GALNTL6: variants seen among roughly 807,000 people sequenced by gnomAD.
GALNTL6 encodes polypeptide N-acetylgalactosaminyltransferase like 6, also known as polypeptide N-acetylgalactosaminyltransferase-like 6.
GALNTL6 carries 46 observed loss-of-function variants against 73.7 expected under a neutral mutation model. That is an observed-to-expected ratio of 0.62 (90% CI 0.49 to 0.80). The LOEUF (loss-of-function observed/expected upper bound fraction) is 0.80. Among genes scored for constraint, GALNTL6 ranks in the 30% least tolerant of loss-of-function variants. The pLI is 0.00. For synonymous variants in GALNTL6, 259 were observed against 263.7 expected (o/e 0.98, Z 0.17); for missense variants, 604 against 755.0 (o/e 0.80, Z 2.34).
At chr4:172,097,166 C>G (rs1027631352) in intron 2 of GALNTL6, among the ~76,000 whole-genome samples, 10 of 152,072 alleles carry the variant, frequency 6.6e-5, no homozygotes, top group African/African-American at 2.4e-4. Flanking sequence ...GTCGTATTAC[C>G]CACTTCTATT....
intron 10 of GALNTL6, among the ~76,000 whole-genome samples, chr4:172,957,526 T>A (rs1002127386): frequency 6.6e-6 from 1 of 152,214 alleles, no homozygotes; most frequent in Non-Finnish European, 1.5e-5. Flanking sequence ...TTTTTAGCTA[T>A]CTTATCAGCA....
intron 2 of GALNTL6, among the ~76,000 whole-genome samples, chr4:171,918,386 C>T (rs1157445679): frequency 6.6e-6 from 1 of 151,974 alleles, no homozygotes; most frequent in Non-Finnish European, 1.5e-5. Flanking sequence ...GTGTCATGTT[C>T]TGACTGAGAG....
At chr4:171,884,994 T>A (rs1389852284) in intron 2 of GALNTL6, among the ~76,000 whole-genome samples, 1 of 150,938 alleles carries the variant, frequency 6.6e-6, no homozygotes, top group African/African-American at 2.4e-5. Flanking sequence ...GAGGCGGAGG[T>A]TGCAGTGAGC....
intron 2 of GALNTL6, among the ~76,000 whole-genome samples, chr4:172,053,679 A>T (rs1330231486): frequency 6.6e-6 from 1 of 151,994 alleles, no homozygotes; most frequent in Non-Finnish European, 1.5e-5. Flanking sequence ...TGCTGACAAA[A>T]TTTTCCATAC....
At position 172,050,116 on chromosome 4, in the gene GALNTL6, G is replaced by A. The variant is rs575656549; in HGVS notation, c.139-179540G>A. Among the ~76,000 whole-genome samples the A allele has an allele frequency of 1.1e-4, 17 of 152,206 alleles. No individual in the cohort carries two copies. The South Asian group carries it at 3.3e-3, about 30-fold the overall frequency. Reference sequence around the variant, plus strand: ...GCTGGCAGGCTGGACTTTAGTAGTGGTAACTTTGGTTTTATTCCCTCAGAA... The same window carrying A: ...GCTGGCAGGCTGGACTTTAGTAGTGATAACTTTGGTTTTATTCCCTCAGAA... On this transcript the variant is annotated intron_variant, in intron 2 of 12. Transcript: ENST00000506823.
intron 2 of GALNTL6, among the ~76,000 whole-genome samples, chr4:171,935,008 C>T (rs145936358): frequency 6.6e-6 from 1 of 152,220 alleles, no homozygotes; most frequent in Non-Finnish European, 1.5e-5. Context: ...ATTGTCTAGT[C>T]TCCCATTCCC....
chr4:172,652,310 C>T (rs1347356428), intron 5 of GALNTL6, among the ~76,000 whole-genome samples: 1 of 152,078 alleles, frequency 6.6e-6, no homozygotes, highest in African/African-American at 2.4e-5. Context: ...AATAGAGAAA[C>T]CTAAGCTGAA....
intron 3 of GALNTL6, among the ~76,000 whole-genome samples, chr4:172,296,145 C>T (rs1739663545): frequency 6.6e-6 from 1 of 151,818 alleles, no homozygotes; most frequent in Admixed American, 6.6e-5. Flanking sequence ...ATGAAAATTC[C>T]CTTCTATTCC....
intron 3 of GALNTL6, among the ~76,000 whole-genome samples, chr4:172,273,756 TG>T (rs1253050624): frequency 2.6e-5 from 4 of 152,072 alleles, no homozygotes; most frequent in African/African-American, 9.7e-5. Context: ...GGCAAACTAG[TG>T]GGACCGAAGG....
At chr4:172,501,396 G>T (rs1009485850) in intron 5 of GALNTL6, among the ~76,000 whole-genome samples, 4 of 151,978 alleles carry the variant, frequency 2.6e-5, no homozygotes, top group Non-Finnish European at 4.4e-5. Flanking sequence ...AAGATTTTTT[G>T]CTAGACTTAT....
chr4:172,601,195 A>C (rs144628157), intron 5 of GALNTL6, among the ~76,000 whole-genome samples: 1 of 152,310 alleles, frequency 6.6e-6, no homozygotes, highest in East Asian at 1.9e-4. Flanking sequence ...CTAATACCAG[A>C]TTAGACAATG....
At chr4:172,970,435 TC>T (rs949059793) in intron 10 of GALNTL6, among the ~76,000 whole-genome samples, 2 of 151,882 alleles carry the variant, frequency 1.3e-5, no homozygotes, top group African/African-American at 4.8e-5. Flanking sequence ...TTTATAGACC[TC>T]CCCCCAGGAA....
intron 5 of GALNTL6, among the ~76,000 whole-genome samples, chr4:172,591,324 T>C (rs931574014): frequency 2.6e-5 from 4 of 152,202 alleles, no homozygotes; most frequent in African/African-American, 9.7e-5. Flanking sequence ...AATGTTAAGA[T>C]GGATATTTCA....
chr4:172,356,356 A>G (rs1742159075), intron 5 of GALNTL6, among the ~76,000 whole-genome samples: 1 of 152,172 alleles, frequency 6.6e-6, no homozygotes, highest in South Asian at 2.1e-4. Flanking sequence ...AAACCTCAGC[A>G]TGTGAGCTTT....
At chr4:172,899,796 A>C (rs1216156724) in intron 8 of GALNTL6, among the ~76,000 whole-genome samples, 1 of 152,216 alleles carries the variant, frequency 6.6e-6, no homozygotes, top group African/African-American at 2.4e-5. Flanking sequence ...ATTGTTTGCT[A>C]AACAAGGGGT....
chr4:172,455,035 G>T (rs1490568092), intron 5 of GALNTL6, among the ~76,000 whole-genome samples: 1 of 152,168 alleles, frequency 6.6e-6, no homozygotes, highest in East Asian at 1.9e-4. Flanking sequence ...ACTGGGACTG[G>T]TTAGGCAAGG....
At chr4:172,333,791 T>C (rs1243667294) in intron 4 of GALNTL6, among the ~76,000 whole-genome samples, 2 of 152,176 alleles carry the variant, frequency 1.3e-5, no homozygotes, top group African/African-American at 4.8e-5. Flanking sequence ...TTTCCCAATG[T>C]TTTCTTCTAA....
At chr4:172,039,775 C>G (rs114499202) in intron 2 of GALNTL6, among the ~76,000 whole-genome samples, 2 of 151,972 alleles carry the variant, frequency 1.3e-5, no homozygotes, top group African/African-American at 4.8e-5. Flanking sequence ...GGTTAACATG[C>G]AATTGTCAGT....
intron 5 of GALNTL6, among the ~76,000 whole-genome samples, chr4:172,534,023 T>C (rs1470869871): frequency 1.3e-5 from 2 of 152,116 alleles, no homozygotes; most frequent in Non-Finnish European, 2.9e-5. Flanking sequence ...GAAATACTAG[T>C]AGGGCTGTGG....
Sources: allele counts gnomAD v4.1 joint callset (sites outside exome capture counted in the v4.1 genomes callset), GRCh38; gene constraint gnomAD v4.1.1; transcripts MANE v1.5; gene names NCBI Gene and HGNC (gene_info 2026-07-23, HGNC 2026-07-21).